The following POFUT3 variants were observed in gnomAD, a reference collection of about 807,000 sequenced individuals.
The protein encoded by POFUT3 is GDP-fucose protein O-fucosyltransferase 3.
At chr8:33,389,197 T>C in the POFUT3 span, 4 of 1,614,078 alleles carry the variant, frequency 2.5e-6, no homozygotes, top group Non-Finnish European at 3.4e-6. Context: ...GGTGAGAAAA[T>C]TCTGATACAA....
chr8:33,453,200 C>G, the POFUT3 span: 7 of 1,610,192 alleles, frequency 4.3e-6, no homozygotes, highest in South Asian at 1.1e-5. Flanking sequence ...GGGAGAAAGG[C>G]GAAAGTCCTG....
At chr8:33,322,654 G>T in the POFUT3 span, among the ~76,000 whole-genome samples, 3 of 152,134 alleles carry the variant, frequency 2.0e-5, no homozygotes, top group Non-Finnish European at 4.4e-5. Flanking sequence ...AAAGCCAAAA[G>T]GACAAAGACA....
the POFUT3 span, among the ~76,000 whole-genome samples, chr8:33,430,259 C>T: frequency 6.6e-6 from 1 of 152,054 alleles, no homozygotes; most frequent in Non-Finnish European, 1.5e-5. Flanking sequence ...TTGGTTGCCC[C>T]AAAAATCAAA....
the POFUT3 span, among the ~76,000 whole-genome samples, chr8:33,349,284 T>TA: frequency 6.6e-6 from 1 of 152,174 alleles, no homozygotes; most frequent in African/African-American, 2.4e-5. Context: ...ACAAGTGCCT[T>TA]AAAAAAATTT....
chr8:33,331,894 G>C, the POFUT3 span, among the ~76,000 whole-genome samples: 2 of 151,102 alleles, frequency 1.3e-5, no homozygotes, highest in South Asian at 2.1e-4. Flanking sequence ...AGCCAGGATG[G>C]TCTAGATCTC....
At chr8:33,349,717 A>T in the POFUT3 span, among the ~76,000 whole-genome samples, 3 of 152,102 alleles carry the variant, frequency 2.0e-5, no homozygotes, top group Non-Finnish European at 4.4e-5. Flanking sequence ...ATATTTTTGC[A>T]ATTGTGAATT....
the POFUT3 span, among the ~76,000 whole-genome samples, chr8:33,345,493 C>T: frequency 6.6e-6 from 1 of 151,256 alleles, no homozygotes; most frequent in African/African-American, 2.4e-5. Flanking sequence ...CTCCACCTCC[C>T]GGGTTCAAGT....
the POFUT3 span, among the ~76,000 whole-genome samples, chr8:33,387,751 C>T: frequency 6.6e-6 from 1 of 152,122 alleles, no homozygotes; most frequent in Non-Finnish European, 1.5e-5. Flanking sequence ...TTGCAGTGAG[C>T]TGAGATGGTG....
the POFUT3 span, among the ~76,000 whole-genome samples, chr8:33,348,168 C>T: frequency 8.5e-6 from 1 of 117,996 alleles, no homozygotes; most frequent in Non-Finnish European, 1.7e-5. Flanking sequence ...AAGACTCTGC[C>T]TCAAAAAAAA....
At chr8:33,352,512 T>C in the POFUT3 span, among the ~76,000 whole-genome samples, 2 of 151,444 alleles carry the variant, frequency 1.3e-5, no homozygotes, top group African/African-American at 4.9e-5. Flanking sequence ...CCCATTTTTA[T>C]TTTTGATTCT....
chr8:33,395,992 A>C, the POFUT3 span, among the ~76,000 whole-genome samples: 114 of 152,332 alleles, frequency 7.5e-4, no homozygotes, highest in African/African-American at 2.3e-3. Context: ...TCCAATTCTC[A>C]TGTAGCAGAG....
chr8:33,472,170 A>T, the POFUT3 span, among the ~76,000 whole-genome samples: 4 of 152,238 alleles, frequency 2.6e-5, no homozygotes, highest in African/African-American at 4.8e-5. Flanking sequence ...AACTTGCCTT[A>T]TTCAAAACTG....
At chr8:33,388,706 C>A in the POFUT3 span, among the ~76,000 whole-genome samples, 1 of 152,130 alleles carries the variant, frequency 6.6e-6, no homozygotes, top group Non-Finnish European at 1.5e-5. Context: ...TGCCCAGCAC[C>A]TGCAGCACGG....
the POFUT3 span, among the ~76,000 whole-genome samples, chr8:33,471,569 A>T: frequency 6.6e-6 from 1 of 152,194 alleles, no homozygotes; most frequent in African/African-American, 2.4e-5. Flanking sequence ...TCCAAAGTTT[A>T]AAGCATTTAA....
At chr8:33,318,807 T>C in the POFUT3 span, among the ~76,000 whole-genome samples, 4 of 45,250 alleles carry the variant, frequency 8.8e-5, no homozygotes, top group East Asian at 2.0e-3. Flanking sequence ...ATATATTTTA[T>C]ATATATTATA....
chr8:33,436,010 A>T, the POFUT3 span, among the ~76,000 whole-genome samples: 1 of 152,104 alleles, frequency 6.6e-6, no homozygotes, highest in Admixed American at 6.6e-5. Flanking sequence ...GAGACAGCAC[A>T]GCCCCCACCA....
the POFUT3 span, among the ~76,000 whole-genome samples, chr8:33,428,329 A>G: frequency 1.3e-5 from 2 of 152,352 alleles, no homozygotes; most frequent in East Asian, 3.9e-4. Flanking sequence ...CTTCATTCTT[A>G]TTATGTTAAA....
the POFUT3 span, among the ~76,000 whole-genome samples, chr8:33,399,328 T>C: frequency 2.6e-5 from 4 of 152,228 alleles, no homozygotes; most frequent in Non-Finnish European, 5.9e-5. Context: ...ATCCAATTAT[T>C]AACTCAGGGC....
At chr8:33,391,032 A>T in the POFUT3 span, among the ~76,000 whole-genome samples, 199 of 152,358 alleles carry the variant, frequency 1.3e-3, no homozygotes, top group Admixed American at 1.6e-3. Flanking sequence ...GAGTTTTTTT[A>T]AAATAAATAT....
Sources: allele counts gnomAD v4.1 joint callset (sites outside exome capture counted in the v4.1 genomes callset), GRCh38; gene constraint gnomAD v4.1.1; transcripts MANE v1.5; gene names NCBI Gene and HGNC (gene_info 2026-07-23, HGNC 2026-07-21).